CTNNA3: variants seen among roughly 807,000 people sequenced by gnomAD.
CTNNA3 encodes catenin alpha 3.
CTNNA3 carries 76 observed loss-of-function variants against 95.7 expected under a neutral mutation model. The ratio of observed to expected loss-of-function variants is 0.79; its 90% CI spans 0.66 to 0.96. CTNNA3 has a LOEUF of 0.96. CTNNA3 is among the 40% of genes least tolerant of loss of function. The pLI, the probability that CTNNA3 is intolerant of heterozygous loss-of-function variation, is 0.00. For missense variants in CTNNA3, 1,191 were observed against 1,089.8 expected, an observed-to-expected ratio of 1.09 and a Z score of -1.31; for synonymous variants, 431 against 374.4, an observed-to-expected ratio of 1.15 and a Z score of -1.74.
rs117771951 is a variant in CTNNA3 at position 67,024,834 on chromosome 10, A to G, written c.1047+155483T>C. On this transcript the variant is annotated intron_variant, in intron 7 of 17. Coordinates refer to ENST00000433211, the MANE Select transcript of CTNNA3 (RefSeq NM_013266.4). The stretch of plus-strand genomic sequence containing the variant: ...TATAACCAATATTAATGAATTTTAA[A>G]AGAAACCACAAGAGGCCGGGTGGGG... Among the ~76,000 whole-genome samples the G allele has an allele frequency of 7.7e-3, 1,178 of 152,258 alleles. 41 individuals are homozygous for G. In the East Asian group the frequency reaches 0.11, roughly 15 times the overall value.
chr10:67,052,763 CAAAG>C (rs1283647046), intron 7 of CTNNA3: 5 of 151,892 alleles, frequency 3.3e-5, no homozygotes, highest in Non-Finnish European at 5.9e-5. Context: ...AACAAACAAA[CAAAG>C]AAACAAACAA....
At chr10:67,320,607 A>C (rs2132550807) in intron 5 of CTNNA3, among the ~76,000 whole-genome samples, 1 of 152,370 alleles carries the variant, frequency 6.6e-6, no homozygotes, top group South Asian at 2.1e-4. Context: ...GCATATGAGT[A>C]GGTTCTGTTA....
At chr10:66,035,014 G>A (rs950068786) in intron 15 of CTNNA3, among the ~76,000 whole-genome samples, 2 of 151,942 alleles carry the variant, frequency 1.3e-5, no homozygotes, top group Admixed American at 1.3e-4. Context: ...CTCCACATTT[G>A]ACCAGCGTGC....
chr10:67,703,014 T>C (rs561401668), intron 1 of CTNNA3, among the ~76,000 whole-genome samples: 1 of 152,150 alleles, frequency 6.6e-6, no homozygotes, highest in South Asian at 2.1e-4. Context: ...GCAAATAAAC[T>C]AGAAAATCTA....
intron 6 of CTNNA3, among the ~76,000 whole-genome samples, chr10:67,208,814 A>T (rs1244245653): frequency 6.6e-6 from 1 of 151,016 alleles, no homozygotes; most frequent in Non-Finnish European, 1.5e-5. Context: ...TGTATTCCTT[A>T]TGAAATTAAT....
At chr10:66,815,751 G>A (rs1280248810) in intron 7 of CTNNA3, among the ~76,000 whole-genome samples, 5 of 152,042 alleles carry the variant, frequency 3.3e-5, no homozygotes, top group East Asian at 1.9e-4. Context: ...TAATCGAAAC[G>A]TGGCAAAACT....
At chr10:66,852,331 G>T (rs1402183203) in intron 7 of CTNNA3, among the ~76,000 whole-genome samples, 1 of 151,968 alleles carries the variant, frequency 6.6e-6, no homozygotes, top group African/African-American at 2.4e-5. Flanking sequence ...TTCTCAATAT[G>T]GTACAATCTG....
At chr10:66,752,962 C>A (rs1201090323) in intron 9 of CTNNA3, among the ~76,000 whole-genome samples, 1 of 152,146 alleles carries the variant, frequency 6.6e-6, no homozygotes, top group Non-Finnish European at 1.5e-5. Flanking sequence ...AGATGTCTAG[C>A]TGATGTATTA....
At chr10:66,363,839 T>G (rs1168142727) in intron 12 of CTNNA3, among the ~76,000 whole-genome samples, 1 of 152,174 alleles carries the variant, frequency 6.6e-6, no homozygotes, top group Non-Finnish European at 1.5e-5. Flanking sequence ...AACAATAATG[T>G]TAATAACTTG....
chr10:66,045,595 AG>A (rs1481802784), intron 15 of CTNNA3, among the ~76,000 whole-genome samples: 1 of 152,240 alleles, frequency 6.6e-6, no homozygotes, highest in African/African-American at 2.4e-5. Flanking sequence ...CCTGCTTAAA[AG>A]TGGAATAAAA....
intron 11 of CTNNA3, among the ~76,000 whole-genome samples, chr10:66,464,574 C>T (rs894476811): frequency 2.0e-5 from 3 of 151,898 alleles, no homozygotes; most frequent in African/African-American, 7.3e-5. Flanking sequence ...ACCAGCCTGG[C>T]CAACATGGTG....
chr10:67,204,787 A>G (rs1863817354), intron 6 of CTNNA3, among the ~76,000 whole-genome samples: 1 of 152,022 alleles, frequency 6.6e-6, no homozygotes, highest in Non-Finnish European at 1.5e-5. Flanking sequence ...GTTATTACCA[A>G]ATTAATCTCC....
intron 4 of CTNNA3, among the ~76,000 whole-genome samples, chr10:67,528,364 A>G (rs569791187): frequency 6.6e-6 from 1 of 152,208 alleles, no homozygotes; most frequent in East Asian, 1.9e-4. Context: ...TAGCTTTCAG[A>G]CTATAGTTCA....
intron 9 of CTNNA3, among the ~76,000 whole-genome samples, chr10:66,640,246 C>T (rs1009210537): frequency 6.6e-6 from 1 of 152,144 alleles, no homozygotes; most frequent in Non-Finnish European, 1.5e-5. Flanking sequence ...ATCCATCTTT[C>T]AGCTGCTGGG....
At chr10:66,939,421 T>C (rs990817635) in intron 7 of CTNNA3, among the ~76,000 whole-genome samples, 1 of 152,198 alleles carries the variant, frequency 6.6e-6, no homozygotes, top group Non-Finnish European at 1.5e-5. Flanking sequence ...AAAATACTAA[T>C]AGTTTTATCT....
chr10:67,251,218 A>T (rs1204511432), intron 5 of CTNNA3, among the ~76,000 whole-genome samples: 1 of 152,204 alleles, frequency 6.6e-6, no homozygotes, highest in Non-Finnish European at 1.5e-5. Context: ...TGCTAAGTAA[A>T]AGAAGCCAAT....
chr10:66,116,644 AG>A (rs2082352463), intron 13 of CTNNA3, among the ~76,000 whole-genome samples: 1 of 152,224 alleles, frequency 6.6e-6, no homozygotes, highest in African/African-American at 2.4e-5. Flanking sequence ...TGTATGTATT[AG>A]TCTGCTCTCA....
intron 10 of CTNNA3, among the ~76,000 whole-genome samples, chr10:66,559,093 T>C (rs1269928535): frequency 6.6e-6 from 1 of 151,964 alleles, no homozygotes. Flanking sequence ...CCCAAATATC[T>C]CTCATATCTA....
chr10:66,840,053 A>G (rs1459844747), intron 7 of CTNNA3, among the ~76,000 whole-genome samples: 2 of 152,102 alleles, frequency 1.3e-5, no homozygotes, highest in African/African-American at 2.4e-5. Context: ...TCAAAAACTA[A>G]TCCCGAATAG....
Sources: allele counts gnomAD v4.1 joint callset (sites outside exome capture counted in the v4.1 genomes callset), GRCh38; gene constraint gnomAD v4.1.1; transcripts MANE v1.5; gene names NCBI Gene and HGNC (gene_info 2026-07-23, HGNC 2026-07-21).